The following ZNF503 variants were observed in gnomAD, a reference collection of about 807,000 sequenced individuals.
The protein encoded by ZNF503 is NocA-like zinc finger 2.
ZNF503 carries 15 observed loss-of-function variants against 34.4 expected under a neutral mutation model. The ratio of observed to expected loss-of-function variants is 0.44; its 90% CI spans 0.29 to 0.67. The LOEUF (loss-of-function observed/expected upper bound fraction) is 0.67. Ranked by LOEUF, ZNF503 falls within the 30% of genes least tolerant of loss-of-function variation. ZNF503 has a pLI of 0.13. For missense variants in ZNF503, 1,007 were observed against 926.8 expected (o/e 1.09, Z -1.12); for synonymous variants, 580 against 456.8 (o/e 1.27, Z -3.44).
At chr10:75,351,128 T>TCCATCAGAA in the ZNF503 span, among the ~76,000 whole-genome samples, 10 of 152,060 alleles carry the variant, frequency 6.6e-5, no homozygotes, top group African/African-American at 2.4e-4. Flanking sequence ...CAACCTAGTA[T>TCCATCAGAA]CCATCAGAAG....
chr10:75,318,684 A>G, the ZNF503 span, among the ~76,000 whole-genome samples: 10 of 151,942 alleles, frequency 6.6e-5, no homozygotes, highest in South Asian at 2.1e-3. Context: ...AAAAAAAAAA[A>G]AAAGTAAGAT....
the ZNF503 span, among the ~76,000 whole-genome samples, chr10:75,284,571 T>C: frequency 2.0e-5 from 3 of 152,170 alleles, no homozygotes; most frequent in Non-Finnish European, 2.9e-5. Context: ...GGAATGGTAG[T>C]GGTGGGTCAG....
At chr10:75,320,698 A>G in the ZNF503 span, among the ~76,000 whole-genome samples, 1 of 152,116 alleles carries the variant, frequency 6.6e-6, no homozygotes, top group South Asian at 2.1e-4. Flanking sequence ...AGCAATATAG[A>G]AAAATAATTA....
the ZNF503 span, among the ~76,000 whole-genome samples, chr10:75,385,157 G>A: frequency 6.6e-6 from 1 of 152,176 alleles, no homozygotes; most frequent in African/African-American, 2.4e-5. Context: ...CAGCAAGGCA[G>A]TGAGCTGAGA....
chr10:75,371,190 A>G, the ZNF503 span, among the ~76,000 whole-genome samples: 2 of 152,312 alleles, frequency 1.3e-5, no homozygotes, highest in East Asian at 3.9e-4. Context: ...AGGGAGCTCC[A>G]AAATTCCTTG....
chr10:75,400,745 C>T (rs1843788849), intron 1 of ZNF503, among the ~76,000 whole-genome samples: 1 of 152,230 alleles, frequency 6.6e-6, no homozygotes, highest in Non-Finnish European at 1.5e-5. Flanking sequence ...GCGGCTGGCG[C>T]CTCAGAGGCT....
chr10:75,330,236 G>A, the ZNF503 span, among the ~76,000 whole-genome samples: 883 of 152,234 alleles, frequency 5.8e-3, 8 homozygotes, highest in African/African-American at 0.02. Flanking sequence ...TCTTTTTATT[G>A]GGCTGCTGGA....
At chr10:75,345,960 G>A in the ZNF503 span, among the ~76,000 whole-genome samples, 1 of 152,216 alleles carries the variant, frequency 6.6e-6, no homozygotes, top group Admixed American at 6.5e-5. Flanking sequence ...TGGTGGATAT[G>A]GAGGGGGTCA....
chr10:75,322,358 G>A, the ZNF503 span, among the ~76,000 whole-genome samples: 3 of 151,944 alleles, frequency 2.0e-5, no homozygotes, highest in Admixed American at 6.6e-5. Context: ...TCCTGACCTC[G>A]TGATCCGCCT....
At chr10:75,369,928 G>A in the ZNF503 span, among the ~76,000 whole-genome samples, 3,778 of 152,126 alleles carry the variant, frequency 0.025, 144 homozygotes, top group African/African-American at 0.087. Flanking sequence ...TTAGCCTTGC[G>A]TGGTGGTGTG....
chr10:75,395,685 C>A (rs973259074), downstream of ZNF503, among the ~76,000 whole-genome samples: 1 of 152,312 alleles, frequency 6.6e-6, no homozygotes, highest in Admixed American at 6.5e-5. This position sits in a 1 kb window ranked among gnomAD's most constrained non-coding sequence, Gnocchi z 4.4. Flanking sequence ...TTACCGCGCG[C>A]CCGGGGTGAC....
In ZNF503 at chr10:75,401,255, A is replaced by T; in HGVS notation, c.165T>A (p.Pro55=). 1 of 1,604,200 alleles carries T rather than the reference A, an allele frequency of 6.2e-7. No homozygotes were observed. Among genetic ancestry groups the T allele is most frequent in the Non-Finnish European group, 8.5e-7 (1 of 1,175,860 alleles). Residue 55 remains proline (P), a synonymous_variant, in exon 1 of 2, where the codon CCT becomes CCA. Coordinates refer to ENST00000372524, the MANE Select transcript of ZNF503 (RefSeq NM_032772.6). ...PGSSPAGSTK[P]FVHAVPPSDP... is the part of the protein sequence containing the mutation. ...CAGAGGGGGGCACGGCGTGCACAAA[A>T]GGCTTGGTGCTGCCGGCCGGGGACG... is the stretch of plus-strand genomic sequence containing the variant.
At chr10:75,299,335 C>T in the ZNF503 span, among the ~76,000 whole-genome samples, 1 of 152,056 alleles carries the variant, frequency 6.6e-6, no homozygotes, top group Non-Finnish European at 1.5e-5. Flanking sequence ...AGTTGTCCCC[C>T]ATAACGTTTT....
the ZNF503 span, among the ~76,000 whole-genome samples, chr10:75,355,703 G>T: frequency 6.6e-6 from 1 of 152,188 alleles, no homozygotes; most frequent in Non-Finnish European, 1.5e-5. Flanking sequence ...GGCTATCCTG[G>T]TTATGTATTG....
At chr10:75,360,559 C>G in the ZNF503 span, 1 of 152,506 alleles carries the variant, frequency 6.6e-6, no homozygotes, top group South Asian at 2.1e-4. Flanking sequence ...CCACCCCTAT[C>G]TGTCCCTGAA....
chr10:75,300,476 CA>C, the ZNF503 span, among the ~76,000 whole-genome samples: 59 of 152,092 alleles, frequency 3.9e-4, no homozygotes, highest in Non-Finnish European at 6.9e-4. Flanking sequence ...TAGGAAATCA[CA>C]AGGGTATTGA....
the ZNF503 span, among the ~76,000 whole-genome samples, chr10:75,329,438 T>TTCCTTCCTTCCTTCCTTCCTTCCTTC: frequency 1.1e-5 from 1 of 89,602 alleles, no homozygotes; most frequent in African/African-American, 4.1e-5. Context: ...TTCCTTCCTT[T>TTCCTTCCTTCCTTCCTTCCTTCCTTC]CTTTCTTTCT....
the ZNF503 span, among the ~76,000 whole-genome samples, chr10:75,365,336 C>T: frequency 2.6e-5 from 4 of 152,108 alleles, no homozygotes; most frequent in Non-Finnish European, 5.9e-5. Flanking sequence ...TTAGTAGAGA[C>T]GGGGTTTCAC....
the ZNF503 span, among the ~76,000 whole-genome samples, chr10:75,308,557 T>C: frequency 6.6e-6 from 1 of 152,158 alleles, no homozygotes; most frequent in Non-Finnish European, 1.5e-5. Flanking sequence ...TAAGTGAAAA[T>C]CTTCTGTCAA....
Sources: gnomAD v4.1 joint callset for allele counts (sites outside exome capture counted in the v4.1 genomes callset) on GRCh38, gnomAD v4.1.1 for gene constraint, Gnocchi (gnomAD v3.1) non-coding constraint, MANE v1.5 for transcripts, NCBI Gene and HGNC (gene_info 2026-07-23, HGNC 2026-07-21) for gene names.